Variants in GDPD4 observed in about 807,000 individuals in gnomAD.
The protein encoded by GDPD4 is glycerophosphodiester phosphodiesterase 6.
In GDPD4, 60 loss-of-function variants were observed where a neutral mutation model predicts 67.8. The ratio of observed to expected loss-of-function variants is 0.88; its 90% CI spans 0.72 to 1.10. The LOEUF is 1.10. Among genes scored for constraint, GDPD4 ranks in the 50% least tolerant of loss-of-function variants. The pLI, the probability that GDPD4 is intolerant of heterozygous loss-of-function variation, is 0.00. For missense variants in GDPD4, 623 were observed against 613.9 expected, an observed-to-expected ratio of 1.01 and a Z score of -0.16; for synonymous variants, 212 against 210.9, an observed-to-expected ratio of 1.00 and a Z score of -0.04.
rs142797113 is a variant in GDPD4 at position 77,229,918 on chromosome 11, CCTCT to C, written c.1390-690_1390-687del. Among the ~76,000 whole-genome samples, 1,489 of 152,236 alleles carry C rather than the reference CCTCT, an allele frequency of 9.8e-3. 29 individuals carry two copies. Among genetic ancestry groups the C allele is most frequent in the African/African-American group, 0.034 (1,400 of 41,534 alleles). ...TGCTCCCTTTCCACCTCAATTGTGC[CCTCT>C]CTAATTCCACTTGATGCTAATAGGG... On this transcript the variant is annotated intron_variant, in intron 14 of 16. Transcript: ENST00000315938.
rs1408916490 is a variant in GDPD4, at chr11:77,286,718, G to C, written c.-51+500C>G. Among the ~76,000 whole-genome samples, 3 of 152,176 alleles carry C rather than the reference G, an allele frequency of 2.0e-5. No homozygotes were observed. The East Asian group carries it at 5.8e-4, about 29-fold the overall frequency. On this transcript the variant is annotated intron_variant, in intron 2 of 16. Coordinates refer to ENST00000315938, the MANE Select transcript of GDPD4 (RefSeq NM_182833.3). ...GCTTACAAATAGAGGCCCTAAAAAA[G>C]GCTAGTCCACGTGCCACCACTCAGC...
intron 10 of GDPD4, among the ~76,000 whole-genome samples, chr11:77,264,880 G>A (rs191288043): frequency 1.3e-5 from 2 of 152,000 alleles, no homozygotes; most frequent in African/African-American, 4.8e-5. Context: ...TGCAGACACA[G>A]GAGAAGCTCT....
At chr11:77,268,380 C>G in intron 10 of GDPD4, 77 bp downstream of exon 10, 1 of 979,178 alleles carries the variant, frequency 1.0e-6, no homozygotes, top group Non-Finnish European at 1.6e-6. Context: ...TCTCTACAAC[C>G]TCAGGCCAGG....
intron 1 of GDPD4, among the ~76,000 whole-genome samples, chr11:77,289,405 G>C (rs1937685033): frequency 6.7e-6 from 1 of 150,114 alleles, no homozygotes; most frequent in African/African-American, 2.5e-5. Context: ...AAGACGGAAA[G>C]AGACAGAGAG....
chr11:77,237,989 A>G (rs1434171687), intron 13 of GDPD4, among the ~76,000 whole-genome samples: 2 of 152,200 alleles, frequency 1.3e-5, no homozygotes, highest in Non-Finnish European at 2.9e-5. Flanking sequence ...AAAACAGGTC[A>G]CCTAATTTTC....
chr11:77,273,681 G>A (rs1257306940), intron 5 of GDPD4, among the ~76,000 whole-genome samples: 2 of 152,148 alleles, frequency 1.3e-5, no homozygotes, highest in Non-Finnish European at 2.9e-5. Flanking sequence ...GTTCAAAGAG[G>A]TTCTGATTGT....
chr11:77,270,827 G>A (rs764811010), intron 7 of GDPD4: 30 of 286,440 alleles, frequency 1.0e-4, no homozygotes, highest in Non-Finnish European at 1.3e-4. Context: ...CCTCTACTGC[G>A]TCACCCACCA....
At chr11:77,265,427 TTATCTA>T (rs994779880) in intron 10 of GDPD4, among the ~76,000 whole-genome samples, 2 of 152,168 alleles carry the variant, frequency 1.3e-5, no homozygotes, top group African/African-American at 4.8e-5. Context: ...TAGAATCACT[TTATCTA>T]TATCTTTTCT....
chr11:77,276,181 A>G lies in GDPD4; in HGVS notation c.187T>C (p.Tyr63His). The G allele has an allele frequency of 6.2e-7, 1 of 1,613,610 alleles. No homozygotes were observed. Among genetic ancestry groups the G allele is most frequent in the Non-Finnish European group, 8.5e-7 (1 of 1,179,492 alleles). Residue 63 changes from tyrosine (Y) to histidine (H), a missense_variant, in exon 5 of 17, where the codon TAC becomes CAC. Tyr to His is a moderately conservative substitution (Grantham distance 83). Transcript: ENST00000315938. ...CCTACCTTATGACACAAGTGCAGGT[A>G]TAGTTCAATCCTTTCCCAAAGCAAC... is the stretch of plus-strand genomic sequence containing the variant. ...FLLLWERIELYLHLCHKILIL... is the reference protein window; with the variant it reads ...FLLLWERIELHLHLCHKILIL...
intron 5 of GDPD4, among the ~76,000 whole-genome samples, chr11:77,271,951 A>T (rs1398656969): frequency 6.6e-6 from 1 of 152,158 alleles, no homozygotes; most frequent in Admixed American, 6.5e-5. Context: ...AGATGAAAAA[A>T]CCTGCCTGCC....
intron 8 of GDPD4, 94 bp from the exon 9 acceptor site, chr11:77,269,163 C>T (rs1959193967): frequency 8.9e-7 from 1 of 1,121,072 alleles, no homozygotes; most frequent in Non-Finnish European, 1.3e-6. Flanking sequence ...AGTAAACCCA[C>T]AGTCCATGGG....
At chr11:77,229,327 G>C (rs1958409841) in intron 14 of GDPD4, 95 bp from the exon 15 acceptor site, 1 of 709,742 alleles carries the variant, frequency 1.4e-6, no homozygotes, top group Admixed American at 2.7e-5. Flanking sequence ...AGGGCTGGAG[G>C]AGGAGAGGAA....
chr11:77,217,287 T>G lies in GDPD4; in HGVS notation c.1553A>C (p.Glu518Ala). ...TDTQSGSKNE[E>A]DR ...TGCAAATCTATCTATCTATCTATCT[T>G]CCTCATTCTTACTTCCACTCTGAGT... Residue 518 changes from glutamate to alanine, a missense_variant, in exon 17 of 17, where the codon GAA becomes GCA. Glu to Ala is a moderately radical substitution (Grantham distance 107). Coordinates refer to ENST00000315938, the MANE Select transcript of GDPD4 (RefSeq NM_182833.3). The G allele has an allele frequency of 6.2e-7, 1 of 1,607,826 alleles. No homozygotes were observed. Among genetic ancestry groups the G allele is most frequent in the Non-Finnish European group, 8.5e-7 (1 of 1,174,300 alleles).
intron 16 of GDPD4, among the ~76,000 whole-genome samples, chr11:77,219,200 T>C (rs894793943): frequency 6.6e-6 from 1 of 152,246 alleles, no homozygotes; most frequent in African/African-American, 2.4e-5. Flanking sequence ...TTTTGAGAAG[T>C]GTCTGTTCAT....
At chr11:77,260,488 C>A (rs1432660528) in intron 10 of GDPD4, among the ~76,000 whole-genome samples, 1 of 151,926 alleles carries the variant, frequency 6.6e-6, no homozygotes, top group East Asian at 1.9e-4. Flanking sequence ...GATATAGCAC[C>A]CAACAATGTA....
intron 1 of GDPD4, among the ~76,000 whole-genome samples, chr11:77,293,985 T>C (rs891580080): frequency 3.3e-5 from 5 of 152,210 alleles, no homozygotes; most frequent in African/African-American, 7.2e-5. Flanking sequence ...ATTATCTATG[T>C]AGAAAATCTC....
At chr11:77,239,834 T>C (rs1198079934) in intron 13 of GDPD4, among the ~76,000 whole-genome samples, 1 of 151,890 alleles carries the variant, frequency 6.6e-6, no homozygotes, top group Non-Finnish European at 1.5e-5. Context: ...CAGTGGTATG[T>C]GCCTGTAATC....
intron 10 of GDPD4, among the ~76,000 whole-genome samples, chr11:77,262,357 G>A (rs1391775562): frequency 6.6e-6 from 1 of 152,072 alleles, no homozygotes; most frequent in Non-Finnish European, 1.5e-5. Flanking sequence ...TCACACTTCA[G>A]GACTGAGGGA....
Position 77,233,016 on chromosome 11 carries a change from C to T in GDPD4, c.1389+9G>A. On this transcript the variant is annotated intron_variant, in intron 14 of 16. Coordinates refer to ENST00000315938, the MANE Select transcript of GDPD4 (RefSeq NM_182833.3). ...AAGCCTGGAAGAACAATCTGGACAA[C>T]CAGCTCACCATGAAGAAGTGAGGGT... 1.2e-6 allele frequency: 2 copies of T among 1,613,608 alleles called. No individual in the cohort carries two copies. The highest frequency in any genetic ancestry group is 2.2e-5 in the East Asian group (1 of 44,864).
Sources: gnomAD v4.1 joint callset for allele counts (sites outside exome capture counted in the v4.1 genomes callset) on GRCh38, gnomAD v4.1.1 for gene constraint, MANE v1.5 for transcripts, NCBI Gene and HGNC (gene_info 2026-07-23, HGNC 2026-07-21) for gene names.